The following GUCY1B1 variants were observed in gnomAD, a reference collection of about 807,000 sequenced individuals.
GUCY1B1 encodes the protein guanylate cyclase 1 soluble subunit beta 1.
In GUCY1B1, 43 loss-of-function variants were observed where a neutral mutation model predicts 71.0. The ratio of observed to expected loss-of-function variants is 0.61; its 90% CI spans 0.47 to 0.78. GUCY1B1 has a LOEUF of 0.78. Among genes scored for constraint, GUCY1B1 ranks in the 30% least tolerant of loss-of-function variants. GUCY1B1 has a pLI of 0.00. For synonymous variants in GUCY1B1, 266 were observed against 259.7 expected, an observed-to-expected ratio of 1.02 and a Z score of -0.23; for missense variants, 535 against 754.1, an observed-to-expected ratio of 0.71 and a Z score of 3.40.
At chr4:155,760,229 C>A (rs1736898629) in intron 2 of GUCY1B1, among the ~76,000 whole-genome samples, 1 of 152,196 alleles carries the variant, frequency 6.6e-6, no homozygotes, top group Non-Finnish European at 1.5e-5. Context: ...GAGGTTCCTG[C>A]GCCCGGAGGC....
Position 155,802,669 on chromosome 4 carries a change from A to T in GUCY1B1, c.1413+90A>T, listed in dbSNP as rs1276923969. The T allele has an allele frequency of 9.0e-7, 1 of 1,112,020 alleles. No homozygotes were observed. Among genetic ancestry groups the T allele is most frequent in the Middle Eastern group, 2.2e-4 (1 of 4,646 alleles). 68.9% of individuals were successfully genotyped at this position (1,112,020 alleles called of 1,614,324 possible). A position where few individuals can be genotyped will look rare whatever the true frequency, so the allele number is the denominator to read the frequency against. The stretch of plus-strand genomic sequence containing the variant: ...GAGGCCATGTCATCACAGCTCTCTG[A>T]CTCCAGCACTGCAGCCTTGAGTACA... On this transcript the variant is annotated intron_variant, in intron 10 of 13. Coordinates refer to ENST00000264424, the MANE Select transcript of GUCY1B1 (RefSeq NM_000857.5). This position sits in a 1 kb window ranked among gnomAD's most constrained non-coding sequence, Gnocchi z 4.3.
Position 155,803,659 on chromosome 4 carries a change from T to C in GUCY1B1, c.1449T>C (p.Ser483=). 1.2e-6 allele frequency: 2 copies of C among 1,605,494 alleles called. No homozygotes were observed. The highest frequency in any genetic ancestry group is 1.7e-6 in the Non-Finnish European group (2 of 1,175,620). The part of the protein sequence containing the change: ...ETVGDKYMTV[S]GLPEPCIHHA... Reference sequence around the variant, plus strand: ...TTGGTGACAAGTATATGACAGTGAGTGGTTTACCAGAGCCATGCATTCACC... The same window carrying C: ...TTGGTGACAAGTATATGACAGTGAGCGGTTTACCAGAGCCATGCATTCACC... The change falls in exon 11 of 14, where the codon AGT becomes AGC. Residue 483 remains serine, a synonymous_variant. Transcript: ENST00000264424.
intron 9 of GUCY1B1, 59 bp downstream of exon 9, chr4:155,800,133 A>T (rs1038427390): frequency 4.2e-6 from 5 of 1,201,464 alleles, no homozygotes; most frequent in Non-Finnish European, 5.8e-6. Flanking sequence ...ACTCTACTAT[A>T]TTTAAGTTTG....
intron 5 of GUCY1B1, among the ~76,000 whole-genome samples, chr4:155,791,308 G>A (rs1434165420): frequency 6.6e-6 from 1 of 150,720 alleles, no homozygotes; most frequent in Non-Finnish European, 1.5e-5. Context: ...GTAGAGACGG[G>A]GTTTCACCGT....
chr4:155,763,369 A>T (rs1560998512), intron 2 of GUCY1B1, among the ~76,000 whole-genome samples: 1 of 152,132 alleles, frequency 6.6e-6, no homozygotes, highest in Non-Finnish European at 1.5e-5. Flanking sequence ...CCTCACTGAA[A>T]CATACAAATT....
intron 3 of GUCY1B1, among the ~76,000 whole-genome samples, chr4:155,776,777 G>A (rs935633545): frequency 6.6e-6 from 1 of 152,136 alleles, no homozygotes; most frequent in African/African-American, 2.4e-5. Context: ...ATGTAATCAA[G>A]TTATTAAATA....
At chr4:155,762,125 G>A (rs1737035226) in intron 2 of GUCY1B1, among the ~76,000 whole-genome samples, 1 of 152,160 alleles carries the variant, frequency 6.6e-6, no homozygotes, top group African/African-American at 2.4e-5. Flanking sequence ...TGCTCCCTGG[G>A]AGAGCATTTG....
In GUCY1B1 at chr4:155,779,115, A is replaced by G. The variant is rs146600932; in HGVS notation, c.297+1473A>G. Among the ~76,000 whole-genome samples, 277 of 152,182 alleles carry G rather than the reference A, an allele frequency of 1.8e-3. 1 individual carries two copies. The highest frequency in any genetic ancestry group is 4.5e-3 in the Admixed American group (69 of 15,266). The stretch of plus-strand genomic sequence containing the variant: ...AGGACAGCCACTAGTGCATGAGGCT[A>G]CTCAGCATTTAAAATGAGATGTGCA... On this transcript the variant is annotated intron_variant, in intron 4 of 13. Transcript: ENST00000264424.
At position 155,802,365 on chromosome 4, in the gene GUCY1B1, C is replaced by T. The variant is rs779390520; in HGVS notation, c.1199C>T (p.Pro400Leu). The T allele has an allele frequency of 5.6e-6, 9 of 1,613,700 alleles. No homozygotes were observed. Among genetic ancestry groups the T allele is most frequent in the Non-Finnish European group, 5.1e-6 (6 of 1,179,732 alleles). The change falls in exon 10 of 14, where the codon CCG (proline) becomes CTG (leucine). Residue 400 changes from proline to leucine, a missense_variant. Pro to Leu is a moderately conservative substitution (Grantham distance 98). Coordinates refer to ENST00000264424, the MANE Select transcript of GUCY1B1 (RefSeq NM_000857.5). This position sits in a 1 kb window ranked among gnomAD's most constrained non-coding sequence, Gnocchi z 4.3. ...TDTLLYSVLP[P>L]SVANELRHKR... ...AGATTGCTGTATTCTGTCCTTCCTCCGTCTGTTGCCAATGAGCTGCGGCAC... is the reference window on the plus strand; with the variant it reads ...AGATTGCTGTATTCTGTCCTTCCTCTGTCTGTTGCCAATGAGCTGCGGCAC...
Position 155,806,498 on chromosome 4 carries a change from G to C in GUCY1B1, c.*89G>C. 1 of 824,500 alleles carries C rather than the reference G, an allele frequency of 1.2e-6. No homozygotes were observed. Among genetic ancestry groups the C allele is most frequent in the Non-Finnish European group, 2.1e-6 (1 of 482,992 alleles). 51.1% of individuals were successfully genotyped at this position (824,500 alleles called of 1,614,324 possible). On this transcript the variant is annotated 3_prime_UTR_variant, in exon 14 of 14. Transcript: ENST00000264424. Reference sequence around the variant, plus strand: ...AGCCCAGGAGCAGTTCTTCCCTATGGATACAGATTTTCTTTTGTCCTTGTC... The same window carrying C: ...AGCCCAGGAGCAGTTCTTCCCTATGCATACAGATTTTCTTTTGTCCTTGTC...
At chr4:155,763,350 A>AT (rs1342319219) in intron 2 of GUCY1B1, among the ~76,000 whole-genome samples, 2 of 152,222 alleles carry the variant, frequency 1.3e-5, no homozygotes, top group African/African-American at 2.4e-5. Context: ...CCAACTTTAG[A>AT]TTTTTTAACC....
intron 6 of GUCY1B1, among the ~76,000 whole-genome samples, chr4:155,794,561 G>A (rs1739414112): frequency 6.6e-6 from 1 of 152,162 alleles, no homozygotes; most frequent in Non-Finnish European, 1.5e-5. Context: ...GAAGCAGTTG[G>A]GATGATGATG....
Position 155,772,105 on chromosome 4 carries a change from A to T in GUCY1B1, c.78-2863A>T, listed in dbSNP as rs1045642929. 2.6e-5 allele frequency among the ~76,000 whole-genome samples: 4 copies of T among 152,192 alleles called. No individual in the cohort carries two copies. The South Asian group carries it at 8.3e-4, about 31-fold the overall frequency. On this transcript the variant is annotated intron_variant, in intron 2 of 13. Transcript: ENST00000264424. ...TATCAGAGGATAAGACAATGTTTGT[A>T]TATTACGTTTTCATAATTTTTTGAT...
At chr4:155,770,700 A>C (rs1737636471) in intron 2 of GUCY1B1, among the ~76,000 whole-genome samples, 1 of 152,202 alleles carries the variant, frequency 6.6e-6, no homozygotes, top group African/African-American at 2.4e-5. Context: ...AGAGAAGGAA[A>C]GGAAGTGGCC....
rs147915184 is a variant in GUCY1B1, at chr4:155,783,961, C to T, written c.298-5753C>T. Among the ~76,000 whole-genome samples, 34 of 152,090 alleles carry T rather than the reference C, an allele frequency of 2.2e-4. No individual in the cohort carries two copies. The East Asian group carries it at 6.0e-3, about 27-fold the overall frequency. On this transcript the variant is annotated intron_variant, in intron 4 of 13. Transcript: ENST00000264424. ...TAAGAAGTATTCCAGAATTGTAAGG[C>T]TTTTCAGTTTGAATAACTGGTATAT...
rs563015121 is a variant in GUCY1B1, at chr4:155,788,871, A to C, written c.298-843A>C. Among the ~76,000 whole-genome samples, 52 of 152,120 alleles carry C rather than the reference A, an allele frequency of 3.4e-4. 1 individual carries two copies. The highest frequency in any genetic ancestry group is 1.2e-3 in the Admixed American group (18 of 15,276). On this transcript the variant is annotated intron_variant, in intron 4 of 13. Transcript: ENST00000264424. Reference sequence around the variant, plus strand: ...ATATATGTGCAGCACACACACACACACCCCAACATGTTATGAACTGAGTGT... The same window carrying C: ...ATATATGTGCAGCACACACACACACCCCCCAACATGTTATGAACTGAGTGT...
At chr4:155,790,010 C>G (rs1393395961) in intron 5 of GUCY1B1, 99 bp downstream of exon 5, 1 of 784,002 alleles carries the variant, frequency 1.3e-6, no homozygotes, top group Non-Finnish European at 2.1e-6. Flanking sequence ...TGTTAGTGCT[C>G]TTCCCTGGAA....
At chr4:155,790,863 A>G (rs1739105601) in intron 5 of GUCY1B1, among the ~76,000 whole-genome samples, 1 of 152,192 alleles carries the variant, frequency 6.6e-6, no homozygotes, top group Admixed American at 6.5e-5. Flanking sequence ...TCTTTCTTTC[A>G]GAAGTTGGTG....
At chr4:155,775,954 A>G (rs1289213706) in intron 3 of GUCY1B1, among the ~76,000 whole-genome samples, 1 of 152,252 alleles carries the variant, frequency 6.6e-6, no homozygotes, top group Admixed American at 6.5e-5. Flanking sequence ...TAACTAGGAA[A>G]GCAAACACTA....
Sources: gnomAD v4.1 joint callset for allele counts (sites outside exome capture counted in the v4.1 genomes callset) on GRCh38, gnomAD v4.1.1 for gene constraint, Gnocchi (gnomAD v3.1) non-coding constraint, MANE v1.5 for transcripts, NCBI Gene and HGNC (gene_info 2026-07-23, HGNC 2026-07-21) for gene names.